CCSER1: variants seen among roughly 807,000 people sequenced by gnomAD.
CCSER1 encodes the protein serine-rich coiled-coil domain-containing protein 1.
In CCSER1, 41 loss-of-function variants were observed where a neutral mutation model predicts 82.0. The observed-to-expected ratio is 0.50, with a 90% CI of 0.39 to 0.65. The LOEUF is 0.65. Among genes scored for constraint, CCSER1 ranks in the 30% least tolerant of loss-of-function variants. CCSER1 has a pLI of 0.00. For synonymous variants in CCSER1, 414 were observed against 383.9 expected (o/e 1.08, Z -0.92); for missense variants, 1,119 against 1,064.2 (o/e 1.05, Z -0.72).
At chr4:90,779,098 C>A (rs1486827169) in intron 7 of CCSER1, among the ~76,000 whole-genome samples, 1 of 152,180 alleles carries the variant, frequency 6.6e-6, no homozygotes, top group Non-Finnish European at 1.5e-5. Context: ...CTGTTAAAAA[C>A]CCTTTACTGC....
chr4:90,498,403 G>T (rs1268291998), intron 5 of CCSER1, among the ~76,000 whole-genome samples: 4 of 152,216 alleles, frequency 2.6e-5, no homozygotes, highest in East Asian at 3.9e-4. Context: ...CAAAACAAAA[G>T]ATAAGTGTAG....
intron 10 of CCSER1, among the ~76,000 whole-genome samples, chr4:91,094,363 G>T (rs1352953839): frequency 6.6e-6 from 1 of 152,178 alleles, no homozygotes; most frequent in Non-Finnish European, 1.5e-5. Context: ...TGCTAAAGAA[G>T]GCATCCTTCA....
In CCSER1 at chr4:90,668,390, A is replaced by G. The variant is rs187901906; in HGVS notation, c.1932+40158A>G. ...ATTTGCAGCAGAGTAAAAACTTTTT[A>G]AGAAAAAGAGCCATCTTTTAAAATA... On this transcript the variant is annotated intron_variant, in intron 6 of 10. Transcript: ENST00000509176. Among the ~76,000 whole-genome samples, 565 of 152,270 alleles carry G rather than the reference A, an allele frequency of 3.7e-3. 4 individuals carry two copies. The highest frequency in any genetic ancestry group is 0.013 in the African/African-American group (526 of 41,548).
rs558213481 is a variant in CCSER1 at position 91,593,412 on chromosome 4, T to A, written c.2218-5160T>A. Among the ~76,000 whole-genome samples the A allele has an allele frequency of 1.0e-4, 15 of 150,712 alleles. 1 individual carries two copies. The South Asian group carries it at 3.2e-3, about 32-fold the overall frequency. ...GAAAGCCAAGGAAAAAAACAGGGTA[T>A]AATTTTAATATTAATGAAATAAATA... On this transcript the variant is annotated intron_variant, in intron 10 of 10. Transcript: ENST00000509176.
At chr4:90,226,157 A>C (rs1743115513) in intron 1 of CCSER1, among the ~76,000 whole-genome samples, 1 of 152,238 alleles carries the variant, frequency 6.6e-6, no homozygotes, top group African/African-American at 2.4e-5. Context: ...TTTCAGCCCC[A>C]AATGAGTGTG....
chr4:90,735,421 T>C (rs1280328636), intron 7 of CCSER1, among the ~76,000 whole-genome samples: 1 of 152,198 alleles, frequency 6.6e-6, no homozygotes, highest in Non-Finnish European at 1.5e-5. Context: ...AAATGTTTGC[T>C]AAAATTCAGC....
At chr4:90,603,628 A>G (rs1476291399) in intron 5 of CCSER1, among the ~76,000 whole-genome samples, 2 of 152,198 alleles carry the variant, frequency 1.3e-5, no homozygotes, top group African/African-American at 4.8e-5. Context: ...TCTTACCACA[A>G]TACTTTAGTA....
intron 10 of CCSER1, among the ~76,000 whole-genome samples, chr4:91,343,955 G>A (rs1747887337): frequency 6.6e-6 from 1 of 152,170 alleles, no homozygotes; most frequent in Non-Finnish European, 1.5e-5. Flanking sequence ...GTAGTACACT[G>A]ATATGGCCTT....
At chr4:90,195,307 T>C (rs1736400496) in intron 1 of CCSER1, among the ~76,000 whole-genome samples, 1 of 151,934 alleles carries the variant, frequency 6.6e-6, no homozygotes, top group Admixed American at 6.6e-5. Flanking sequence ...ACGTGGTGGG[T>C]GGAGTAAACT....
intron 4 of CCSER1, among the ~76,000 whole-genome samples, chr4:90,410,105 T>A (rs568498136): frequency 1.3e-4 from 20 of 152,168 alleles, no homozygotes; most frequent in Middle Eastern, 3.4e-3. Context: ...CATGCACCCA[T>A]TACAGGAGCA....
At chr4:90,882,822 T>G (rs1409931132) in intron 8 of CCSER1, among the ~76,000 whole-genome samples, 3 of 152,052 alleles carry the variant, frequency 2.0e-5, no homozygotes, top group Non-Finnish European at 4.4e-5. Context: ...GGTTACATAA[T>G]TTCTCGGTCA....
chr4:90,185,454 AAG>A (rs1196387727), intron 1 of CCSER1, among the ~76,000 whole-genome samples: 1 of 152,100 alleles, frequency 6.6e-6, no homozygotes, highest in Non-Finnish European at 1.5e-5. Flanking sequence ...ATCTTTGAAA[AAG>A]AAGTCAAATG....
rs147167798 is a variant in CCSER1, at chr4:91,330,143, G to A, written c.2217+244149G>A. ...CCTCTAAGTACTGCTTTTACTCCAC[G>A]TACAGGTTGATAAGCAGTAATTTCA... On this transcript the variant is annotated intron_variant, in intron 10 of 10. Coordinates refer to ENST00000509176, the MANE Select transcript of CCSER1 (RefSeq NM_001145065.2). Among the ~76,000 whole-genome samples, 65 of 151,994 alleles carry A rather than the reference G, an allele frequency of 4.3e-4. 1 individual carries two copies. The highest frequency in any genetic ancestry group is 8.0e-4 in the African/African-American group (33 of 41,462).
intron 10 of CCSER1, among the ~76,000 whole-genome samples, chr4:91,305,721 C>T (rs1745010507): frequency 6.7e-6 from 1 of 149,796 alleles, no homozygotes. Flanking sequence ...TAAATACCTA[C>T]CCAAGAGTGG....
chr4:91,111,398 TTAAAC>T (rs1327740520), intron 10 of CCSER1, among the ~76,000 whole-genome samples: 1 of 151,966 alleles, frequency 6.6e-6, no homozygotes, highest in African/African-American at 2.4e-5. Context: ...TAAATGGTAT[TTAAAC>T]TAATGTGTAA....
chr4:91,544,967 T>G (rs527488030), intron 10 of CCSER1, among the ~76,000 whole-genome samples: 65 of 152,176 alleles, frequency 4.3e-4, no homozygotes, highest in African/African-American at 1.5e-3. Flanking sequence ...CAGTTCGAGC[T>G]TCCTAGCCGC....
At chr4:91,297,364 C>CTT (rs1744265391) in intron 10 of CCSER1, among the ~76,000 whole-genome samples, 2 of 122,870 alleles carry the variant, frequency 1.6e-5, no homozygotes, top group African/African-American at 6.6e-5. Flanking sequence ...AGAATGGATG[C>CTT]TTGTGTGTGT....
At chr4:90,755,991 C>T (rs1440819598) in intron 7 of CCSER1, among the ~76,000 whole-genome samples, 1 of 152,074 alleles carries the variant, frequency 6.6e-6, no homozygotes, top group East Asian at 1.9e-4. Flanking sequence ...TTTGGGAGGC[C>T]AAGAGGGGGT....
At chr4:91,342,004 A>C (rs911779399) in intron 10 of CCSER1, among the ~76,000 whole-genome samples, 1 of 152,214 alleles carries the variant, frequency 6.6e-6, no homozygotes, top group Admixed American at 6.5e-5. Context: ...GAGTAAGAGG[A>C]AAGGATGCAA....
Sources: allele counts gnomAD v4.1 joint callset (sites outside exome capture counted in the v4.1 genomes callset), GRCh38; gene constraint gnomAD v4.1.1; transcripts MANE v1.5; gene names NCBI Gene and HGNC (gene_info 2026-07-23, HGNC 2026-07-21).